CSTL1: variants seen among roughly 807,000 people sequenced by gnomAD.
CSTL1 encodes the protein cystatin like 1, also known as cystatin-like 1.
In CSTL1, 14 loss-of-function variants were observed where a neutral mutation model predicts 14.4. The ratio of observed to expected loss-of-function variants is 0.97; its 90% confidence interval spans 0.64 to 1.52. CSTL1 has a LOEUF of 1.52. Ranked by LOEUF, CSTL1 falls within the 40% of genes most tolerant of loss-of-function variation. CSTL1 has a pLI of 0.00. For synonymous variants in CSTL1, 72 were observed against 67.5 expected (o/e 1.07, Z -0.33); for missense variants, 170 against 168.7 (o/e 1.01, Z -0.04).
chr20:23,450,582 T>G, the CSTL1 span: 1 of 1,607,072 alleles, frequency 6.2e-7, no homozygotes, highest in Non-Finnish European at 8.5e-7. Flanking sequence ...GAAGAAGCAG[T>G]TGACTTGCTA....
the CSTL1 span, among the ~76,000 whole-genome samples, chr20:23,459,924 A>G: frequency 6.6e-6 from 1 of 152,202 alleles, no homozygotes; most frequent in Non-Finnish European, 1.5e-5. Flanking sequence ...TGCACAATAC[A>G]GCTAGTTTTA....
chr20:23,456,050 A>G, the CSTL1 span, among the ~76,000 whole-genome samples: 2 of 152,136 alleles, frequency 1.3e-5, no homozygotes, highest in Non-Finnish European at 1.5e-5. Context: ...CAGATACAAG[A>G]ATCCCCTTTG....
downstream of CSTL1, among the ~76,000 whole-genome samples, chr20:23,447,333 A>G (rs1986987414): frequency 6.6e-6 from 1 of 152,240 alleles, no homozygotes; most frequent in African/African-American, 2.4e-5. Context: ...GTGTAAATAT[A>G]CCACAATTTA....
chr20:23,453,270 C>G, the CSTL1 span, among the ~76,000 whole-genome samples: 4 of 152,078 alleles, frequency 2.6e-5, no homozygotes, highest in African/African-American at 4.8e-5. Flanking sequence ...CTCCCCCAGC[C>G]TGGTTCCTGG....
At chr20:23,452,479 G>A in the CSTL1 span, 1 of 772,610 alleles carries the variant, frequency 1.3e-6, no homozygotes, top group African/African-American at 1.7e-5. Context: ...CTCACATCAA[G>A]CTAAGCAAGG....
downstream of CSTL1, among the ~76,000 whole-genome samples, chr20:23,446,509 G>A (rs188131948): frequency 1.6e-3 from 243 of 152,220 alleles, 1 homozygote; most frequent in African/African-American, 5.4e-3. Flanking sequence ...ACCCGCCTCC[G>A]CCTCCCAAAG....
downstream of CSTL1, among the ~76,000 whole-genome samples, chr20:23,449,170 T>C (rs959878958): frequency 7.2e-5 from 11 of 152,340 alleles, no homozygotes; most frequent in Non-Finnish European, 1.3e-4. Flanking sequence ...GTGCTCTGCC[T>C]ATAGTCTCTC....
intron 3 of CSTL1, among the ~76,000 whole-genome samples, chr20:23,444,300 G>A (rs559901118): frequency 1.3e-5 from 2 of 152,356 alleles, no homozygotes; most frequent in South Asian, 2.1e-4. Context: ...CTGCGTGAAA[G>A]CAGTGGTTCC....
chr20:23,448,688 C>G (rs1323627535), downstream of CSTL1, among the ~76,000 whole-genome samples: 1 of 152,216 alleles, frequency 6.6e-6, no homozygotes, highest in East Asian at 1.9e-4. Flanking sequence ...GTTCCACCTT[C>G]TCTTTTTAAT....
the CSTL1 span, among the ~76,000 whole-genome samples, chr20:23,452,391 C>G: frequency 6.6e-6 from 1 of 152,292 alleles, no homozygotes; most frequent in South Asian, 2.1e-4. Flanking sequence ...ATGTAATGTG[C>G]TGAGGATCCC....
At chr20:23,449,241 G>A (rs538238514), downstream of CSTL1, among the ~76,000 whole-genome samples, 8 of 152,174 alleles carry the variant, frequency 5.3e-5, no homozygotes, top group East Asian at 1.9e-4. Flanking sequence ...TTTGTGCACC[G>A]TCTCTGCCGC....
chr20:23,449,396 A>ATG (rs201689303), downstream of CSTL1, among the ~76,000 whole-genome samples: 9 of 151,606 alleles, frequency 5.9e-5, no homozygotes, highest in East Asian at 1.9e-4. Context: ...TGCCGTGTGT[A>ATG]TGTGTGTGTG....
the CSTL1 span, among the ~76,000 whole-genome samples, chr20:23,451,484 T>G: frequency 6.6e-6 from 1 of 152,170 alleles, no homozygotes; most frequent in Non-Finnish European, 1.5e-5. Flanking sequence ...AGGTATTCAG[T>G]CAGCGCACCT....
the CSTL1 span, among the ~76,000 whole-genome samples, chr20:23,451,638 A>G: frequency 6.6e-6 from 1 of 152,182 alleles, no homozygotes; most frequent in Non-Finnish European, 1.5e-5. Context: ...ACAAAGGAGC[A>G]GCATCTCGGC....
intron 1 of CSTL1, 141 bp from the exon 2 acceptor site, chr20:23,440,003 G>T (rs764801641): frequency 6.3e-6 from 3 of 476,388 alleles, no homozygotes; most frequent in Non-Finnish European, 1.2e-5. Context: ...AGGGAGAGGG[G>T]CTTGCACGCC....
chr20:23,449,555 T>C (rs1043161714), downstream of CSTL1, among the ~76,000 whole-genome samples: 1 of 152,138 alleles, frequency 6.6e-6, no homozygotes, highest in Non-Finnish European at 1.5e-5. Context: ...ACCTAACCCA[T>C]TGAGCTGCTG....
chr20:23,451,746 C>T, the CSTL1 span: 1 of 1,118,340 alleles, frequency 8.9e-7, no homozygotes, highest in Non-Finnish European at 1.3e-6. Flanking sequence ...CTTCCCAACT[C>T]ATTCTAAAGC....
chr20:23,455,879 T>G, the CSTL1 span, among the ~76,000 whole-genome samples: 4 of 152,336 alleles, frequency 2.6e-5, no homozygotes, highest in Admixed American at 2.6e-4. Flanking sequence ...GTGAGCAGTG[T>G]GAAGAACACC....
chr20:23,445,113 C>T (rs1013252443), downstream of CSTL1, among the ~76,000 whole-genome samples: 1 of 152,162 alleles, frequency 6.6e-6, no homozygotes, highest in African/African-American at 2.4e-5. Context: ...CTCACACACT[C>T]ATCCACCCGC....
Sources: allele counts gnomAD v4.1 joint callset (sites outside exome capture counted in the v4.1 genomes callset), GRCh38; gene constraint gnomAD v4.1.1; transcripts MANE v1.5; gene names NCBI Gene and HGNC (gene_info 2026-07-23, HGNC 2026-07-21).